EHD2: variants seen among roughly 807,000 people sequenced by gnomAD.
EHD2 encodes the protein EH domain containing 2.
In EHD2, 27 loss-of-function variants were observed where a neutral mutation model predicts 41.0. The ratio of observed to expected loss-of-function variants is 0.66; its 90% CI spans 0.49 to 0.91. The LOEUF (loss-of-function observed/expected upper bound fraction) is 0.91. Among genes scored for constraint, EHD2 ranks in the 40% least tolerant of loss-of-function variants. EHD2 has a pLI of 0.00. For synonymous variants in EHD2, 342 were observed against 341.0 expected, an observed-to-expected ratio of 1.00 and a Z score of -0.03; for missense variants, 673 against 773.9, an observed-to-expected ratio of 0.87 and a Z score of 1.55.
rs1314931982 is a variant in EHD2, at chr19:47,740,916, C to T, written c.1116C>T (p.His372=). 25 of 1,613,442 alleles carry T rather than the reference C, an allele frequency of 1.5e-5. No homozygotes were observed. The highest frequency in any genetic ancestry group is 2.1e-5 in the Non-Finnish European group (25 of 1,179,918). ...LLMAHDFTKF[H]SLKPKLLEAL... is the part of the protein sequence containing the mutation. The stretch of plus-strand genomic sequence containing the variant: ...TGGCGCACGACTTCACCAAGTTTCA[C>T]TCGCTGAAGCCGAAGCTGCTAGAGG... The change falls in exon 6 of 6, where the codon CAC becomes CAT. Residue 372 remains histidine, a synonymous_variant. Coordinates refer to ENST00000263277, the MANE Select transcript of EHD2 (RefSeq NM_014601.4).
At chr19:47,727,197 T>C (rs965364860) in intron 4 of EHD2, among the ~76,000 whole-genome samples, 1 of 152,090 alleles carries the variant, frequency 6.6e-6, no homozygotes, top group Non-Finnish European at 1.5e-5. Flanking sequence ...CTCCGCCTCC[T>C]GAATTCAAGC....
rs181582756 is a variant in EHD2 at position 47,742,323 on chromosome 19, A to C, written c.*891A>C. The C allele has an allele frequency of 1.3e-3, 347 of 257,282 alleles. 3 individuals carry two copies. The highest frequency in any genetic ancestry group is 7.8e-3 in the African/African-American group (332 of 42,514). The allele number at this position is 257,282 out of a possible 1,614,324, so 15.9% of individuals were successfully genotyped here. On this transcript the variant is annotated 3_prime_UTR_variant, in exon 6 of 6. Transcript: ENST00000263277. The stretch of plus-strand genomic sequence containing the variant: ...AATCTTGCTCTGTCGCCCAGGCTGG[A>C]GTGCAGTGGTGAGATCTCAGCTCAC...
At chr19:47,721,720 C>T (rs1379623113) in intron 3 of EHD2, among the ~76,000 whole-genome samples, 1 of 151,976 alleles carries the variant, frequency 6.6e-6, no homozygotes, top group Non-Finnish European at 1.5e-5. Flanking sequence ...CGCAGTGGTT[C>T]ACGCCTGTAA....
intron 5 of EHD2, among the ~76,000 whole-genome samples, chr19:47,736,987 T>C (rs1010604491): frequency 6.6e-6 from 1 of 152,092 alleles, no homozygotes; most frequent in Non-Finnish European, 1.5e-5. Context: ...ATCCCAGCAC[T>C]TTGGGAGGCC....
chr19:47,726,762 G>A (rs1470927150), intron 4 of EHD2, among the ~76,000 whole-genome samples: 1 of 151,942 alleles, frequency 6.6e-6, no homozygotes. Flanking sequence ...CCACAGCCTT[G>A]AACTCCTGGG....
chr19:47,716,410 A>C, intron 1 of EHD2, 148 bp from the exon 2 acceptor site: 1 of 519,744 alleles, frequency 1.9e-6, no homozygotes, highest in Non-Finnish European at 3.2e-6. Flanking sequence ...CCTGCCATCC[A>C]TGCTCTGTGA....
chr19:47,734,439 G>T (rs1966900996), intron 4 of EHD2, among the ~76,000 whole-genome samples: 1 of 152,154 alleles, frequency 6.6e-6, no homozygotes, highest in African/African-American at 2.4e-5. Context: ...ACAGGAGGAA[G>T]AATCAAATAT....
chr19:47,720,457 C>T (rs1973683366), intron 3 of EHD2, among the ~76,000 whole-genome samples: 1 of 152,126 alleles, frequency 6.6e-6, no homozygotes, highest in South Asian at 2.1e-4. Flanking sequence ...AGGTGTGAGC[C>T]ACCATGCCCG....
chr19:47,726,686 C>CT (rs1338104733), intron 4 of EHD2, among the ~76,000 whole-genome samples: 2 of 151,510 alleles, frequency 1.3e-5, no homozygotes, highest in Non-Finnish European at 2.9e-5. Flanking sequence ...CTTCTTCCTT[C>CT]TTTTTTAAGA....
At chr19:47,734,411 G>T (rs1568592782) in intron 4 of EHD2, among the ~76,000 whole-genome samples, 1 of 152,058 alleles carries the variant, frequency 6.6e-6, no homozygotes, top group Non-Finnish European at 1.5e-5. Context: ...TCATTGATAG[G>T]TTGGATGTGG....
At chr19:47,731,564 C>T (rs1966878524) in intron 4 of EHD2, 1 of 151,806 alleles carries the variant, frequency 6.6e-6, no homozygotes, top group South Asian at 2.1e-4. Flanking sequence ...CTGGCCTCGG[C>T]CTCCCGAAGT....
At chr19:47,735,105 T>C (rs182767381) in intron 4 of EHD2, among the ~76,000 whole-genome samples, 17 of 152,208 alleles carry the variant, frequency 1.1e-4, no homozygotes, top group African/African-American at 4.1e-4. Context: ...TGGCCTCAAC[T>C]GGGAAGGCAG....
chr19:47,715,887 C>A (rs903717208), intron 1 of EHD2, among the ~76,000 whole-genome samples: 1 of 152,056 alleles, frequency 6.6e-6, no homozygotes, highest in African/African-American at 2.4e-5. Flanking sequence ...CCTGTCTCAG[C>A]CTCCCAAGTA....
rs1973626455 is a variant in EHD2, at chr19:47,716,548, C to T, written c.-55-10C>T. 1.4e-6 allele frequency: 2 copies of T among 1,440,184 alleles called. No individual in the cohort carries two copies. Among genetic ancestry groups the T allele is most frequent in the Non-Finnish European group, 9.1e-7 (1 of 1,098,480 alleles). The allele number at this position is 1,440,184 out of a possible 1,614,324, so 89.2% of individuals were successfully genotyped here. The stretch of plus-strand genomic sequence containing the variant: ...GCCGCCTATGCTCATGCCCTCTCCC[C>T]CTCCCACAGGCAGCTCTCCATCTGC... On this transcript the variant is annotated splice_polypyrimidine_tract_variant and intron_variant, in intron 1 of 5. Transcript: ENST00000263277.
At position 47,741,799 on chromosome 19, in the gene EHD2, C is replaced by T; in HGVS notation, c.*367C>T. The T allele has an allele frequency of 4.0e-6, 2 of 500,214 alleles. No individual in the cohort carries two copies. The highest frequency in any genetic ancestry group is 1.5e-5 in the South Asian group (1 of 64,888). The allele number at this position is 500,214 out of a possible 1,614,324, so 31.0% of individuals were successfully genotyped here. On this transcript the variant is annotated 3_prime_UTR_variant, in exon 6 of 6. Coordinates refer to ENST00000263277, the MANE Select transcript of EHD2 (RefSeq NM_014601.4). The surrounding 1 kb of genome is among the most constrained non-coding windows in gnomAD (Gnocchi z 4.5). ...CCATAGAGAACAAAATAGACAAATA[C>T]ATCTGCCCTCATGGAAGGTGACGTT...
chr19:47,717,646 C>T (rs1973643271), intron 2 of EHD2, among the ~76,000 whole-genome samples: 1 of 152,142 alleles, frequency 6.6e-6, no homozygotes, highest in Non-Finnish European at 1.5e-5. Context: ...GTGGCTCACA[C>T]CTGTAATCCC....
chr19:47,725,464 G>A (rs944060041), intron 3 of EHD2, among the ~76,000 whole-genome samples: 3 of 151,838 alleles, frequency 2.0e-5, no homozygotes, highest in African/African-American at 4.9e-5. Context: ...AGCTACTAGG[G>A]AGGCTGAGGT....
At chr19:47,723,653 GA>G (rs11407002) in intron 3 of EHD2, among the ~76,000 whole-genome samples, 1,776 of 71,322 alleles carry the variant, frequency 0.025, 40 homozygotes, top group African/African-American at 0.087. Context: ...GACTCCGTCT[GA>G]AAAAAAAAAA....
intron 3 of EHD2, among the ~76,000 whole-genome samples, 190 bp downstream of exon 3, chr19:47,718,796 C>CT (rs1568588043): frequency 1.4e-3 from 185 of 129,472 alleles, no homozygotes; most frequent in African/African-American, 3.8e-3. Context: ...GGGCTGGGCC[C>CT]AGACTCCTGG....
Sources: allele counts gnomAD v4.1 joint callset (sites outside exome capture counted in the v4.1 genomes callset), GRCh38; gene constraint gnomAD v4.1.1; non-coding constraint Gnocchi (gnomAD v3.1); transcripts MANE v1.5; gene names NCBI Gene and HGNC (gene_info 2026-07-23, HGNC 2026-07-21).